SH3GL3: variants seen among roughly 807,000 people sequenced by gnomAD.
SH3GL3 encodes the protein SH3 domain containing GRB2 like 3, endophilin A3.
In SH3GL3, 33 loss-of-function variants were observed where a neutral mutation model predicts 47.7. The ratio of observed to expected loss-of-function variants is 0.69; its 90% confidence interval spans 0.52 to 0.92. The LOEUF is 0.92. SH3GL3 is among the 40% of genes least tolerant of loss of function. The pLI, the probability that SH3GL3 is intolerant of heterozygous loss-of-function variation, is 0.00. For missense variants in SH3GL3, 363 were observed against 417.8 expected, an observed-to-expected ratio of 0.87 and a Z score of 1.14; for synonymous variants, 155 against 148.8, an observed-to-expected ratio of 1.04 and a Z score of -0.30.
intron 8 of SH3GL3, among the ~76,000 whole-genome samples, chr15:83,612,752 T>G (rs2060702550): frequency 6.6e-6 from 1 of 152,162 alleles, no homozygotes; most frequent in African/African-American, 2.4e-5. Flanking sequence ...CTTGTATCTC[T>G]TCTCTGGATG....
At chr15:83,627,498 C>T in the SH3GL3 span, among the ~76,000 whole-genome samples, 1 of 151,790 alleles carries the variant, frequency 6.6e-6, no homozygotes, top group Admixed American at 6.6e-5. Flanking sequence ...GACCCAAAAA[C>T]TATTCAAGGA....
At chr15:83,623,611 A>T (rs1224471216), downstream of SH3GL3, among the ~76,000 whole-genome samples, 1 of 152,270 alleles carries the variant, frequency 6.6e-6, no homozygotes, top group African/African-American at 2.4e-5. Flanking sequence ...TGGGCCCAGC[A>T]TCGGAGTGGG....
In SH3GL3 at chr15:83,576,715, A is replaced by G. The variant is rs755115801; in HGVS notation, c.598A>G (p.Ser200Gly). The part of the protein sequence containing the change: ...FEESKELAER[S>G]MFNFLENDVE... The stretch of plus-strand genomic sequence containing the variant: ...AGAGTCAAAGGAGTTGGCTGAAAGA[A>G]GCATGTTTAACTTTTTAGAAAATGA... The change falls in exon 6 of 9, where the codon AGC becomes GGC. Residue 200 changes from serine (S) to glycine (G), a missense_variant. Coordinates refer to ENST00000427482, the MANE Select transcript of SH3GL3 (RefSeq NM_003027.5). 1.2e-6 allele frequency: 2 copies of G among 1,608,978 alleles called. No individual in the cohort carries two copies. The highest frequency in any genetic ancestry group is 1.7e-6 in the Non-Finnish European group (2 of 1,178,208).
chr15:83,448,367 G>A lies in SH3GL3; in HGVS notation c.45+789G>A, dbSNP rs1256476714. On this transcript the variant is annotated intron_variant, in intron 1 of 8. Transcript: ENST00000427482. This position sits in a 1 kb window ranked among gnomAD's most constrained non-coding sequence, Gnocchi z 4.2. ...TTAAGTATGAGGAAGAATTATGGCTGAGGGTGTGGGATGATAGGAGGAAAG... is the reference window on the plus strand; with the variant it reads ...TTAAGTATGAGGAAGAATTATGGCTAAGGGTGTGGGATGATAGGAGGAAAG... 6.6e-6 allele frequency among the ~76,000 whole-genome samples: 1 copy of A among 152,016 alleles called. No homozygotes were observed. Among genetic ancestry groups the A allele is most frequent in the Non-Finnish European group, 1.5e-5 (1 of 67,992 alleles).
the SH3GL3 span, among the ~76,000 whole-genome samples, chr15:83,625,868 T>C: frequency 6.6e-6 from 1 of 152,208 alleles, no homozygotes; most frequent in East Asian, 1.9e-4. Flanking sequence ...AGTCTTGCTC[T>C]GTCACCCAGG....
chr15:83,613,765 G>A (rs1203559059), intron 8 of SH3GL3, among the ~76,000 whole-genome samples: 3 of 152,148 alleles, frequency 2.0e-5, no homozygotes, highest in African/African-American at 7.2e-5. Context: ...CATGGAGCAA[G>A]GTAGCTGATG....
chr15:83,525,143 CT>C (rs1015229846), intron 1 of SH3GL3, among the ~76,000 whole-genome samples: 119 of 152,136 alleles, frequency 7.8e-4, no homozygotes, highest in Middle Eastern at 3.4e-3. Context: ...TGAGAGTTCT[CT>C]TTTTTTCATG....
intron 1 of SH3GL3, among the ~76,000 whole-genome samples, chr15:83,549,534 T>C (rs1215651298): frequency 1.3e-5 from 2 of 152,186 alleles, no homozygotes; most frequent in Admixed American, 6.5e-5. Flanking sequence ...CCAGATGTTT[T>C]TCCTTATTGG....
intron 6 of SH3GL3, among the ~76,000 whole-genome samples, chr15:83,580,792 G>C (rs970200875): frequency 2.0e-5 from 3 of 152,180 alleles, no homozygotes; most frequent in African/African-American, 4.8e-5. Flanking sequence ...GGGTGAGTGG[G>C]AGCCTTGCTG....
chr15:83,490,973 C>A, intron 1 of SH3GL3: 1 of 1,607,932 alleles, frequency 6.2e-7, no homozygotes, highest in African/African-American at 1.3e-5. Context: ...CCATTCTCAT[C>A]AGCACAGAAG....
intron 8 of SH3GL3, among the ~76,000 whole-genome samples, chr15:83,593,885 C>G (rs954767353): frequency 6.6e-6 from 1 of 151,960 alleles, no homozygotes; most frequent in African/African-American, 2.4e-5. Context: ...GTGGCGCAGT[C>G]GCAGCTTGTT....
the SH3GL3 span, among the ~76,000 whole-genome samples, chr15:83,628,620 G>A: frequency 5.9e-5 from 9 of 152,010 alleles, no homozygotes; most frequent in Non-Finnish European, 8.8e-5. Flanking sequence ...GCAGGTGCCT[G>A]TAATCCCAGC....
chr15:83,621,736 A>G (rs1207232734), downstream of SH3GL3, among the ~76,000 whole-genome samples: 3 of 152,226 alleles, frequency 2.0e-5, no homozygotes, highest in African/African-American at 7.2e-5. Flanking sequence ...GTGAAGTGCA[A>G]TGAAAAGACG....
intron 4 of SH3GL3, 143 bp from the exon 5 acceptor site, chr15:83,572,422 C>T: frequency 1.6e-6 from 1 of 622,080 alleles, no homozygotes; most frequent in African/African-American, 1.9e-5. Context: ...CTTTTTCATT[C>T]TGATCCAGGA....
In SH3GL3 at chr15:83,576,921, A is replaced by ATTTTTTTTTTTTTTTTTTT. The variant is rs71156087; in HGVS notation, c.624+194_624+195insTTTTTTTTTTTTTTTTTTT. Among the ~76,000 whole-genome samples the ATTTTTTTTTTTTTTTTTTT allele has an allele frequency of 9.0e-4, 78 of 86,548 alleles. 9 individuals carry two copies. The highest frequency in any genetic ancestry group is 2.3e-3 in the Admixed American group (13 of 5,718). 56.8% of individuals were successfully genotyped at this position (86,548 alleles called of 152,430 possible). A position where few individuals can be genotyped will look rare whatever the true frequency, so the allele number is the denominator to read the frequency against. On this transcript the variant is annotated intron_variant, in intron 6 of 8. Coordinates refer to ENST00000427482, the MANE Select transcript of SH3GL3 (RefSeq NM_003027.5). ...TGATGAGCTTAAAAAAAAAATCATA[A>ATTTTTTTTTTTTTTTTTTT]TTTTTTTTTTTTTTGAGACGCTGTC...
At chr15:83,630,908 T>A in the SH3GL3 span, among the ~76,000 whole-genome samples, 6 of 152,208 alleles carry the variant, frequency 3.9e-5, no homozygotes, top group African/African-American at 1.4e-4. Context: ...ATTCCAGCAT[T>A]AACTCAAAAG....
intron 8 of SH3GL3, among the ~76,000 whole-genome samples, chr15:83,614,017 A>G (rs1255710849): frequency 6.6e-6 from 1 of 152,208 alleles, no homozygotes; most frequent in Non-Finnish European, 1.5e-5. Flanking sequence ...GAAATGCTAA[A>G]AGAATAATAA....
At chr15:83,512,687 C>T (rs190501003) in intron 1 of SH3GL3, among the ~76,000 whole-genome samples, 100 of 152,236 alleles carry the variant, frequency 6.6e-4, no homozygotes, top group African/African-American at 2.0e-3. Context: ...CCTTCCTCCC[C>T]GTCCCTGCCT....
At chr15:83,479,370 T>C (rs1444217992) in intron 1 of SH3GL3, among the ~76,000 whole-genome samples, 5 of 152,060 alleles carry the variant, frequency 3.3e-5, no homozygotes, top group Non-Finnish European at 7.4e-5. Flanking sequence ...GTTGTTGTTC[T>C]TGCAGTGATC....
Sources: gnomAD v4.1 joint callset for allele counts (sites outside exome capture counted in the v4.1 genomes callset) on GRCh38, gnomAD v4.1.1 for gene constraint, Gnocchi (gnomAD v3.1) non-coding constraint, MANE v1.5 for transcripts, NCBI Gene and HGNC (gene_info 2026-07-23, HGNC 2026-07-21) for gene names.